Variants in TSNAX observed in about 807,000 individuals in gnomAD.
The protein encoded by TSNAX is translin-associated protein X.
A neutral mutation model predicts 33.0 loss-of-function variants in TSNAX; 12 were observed. That is an observed-to-expected ratio of 0.36 (90% confidence interval 0.23 to 0.59). The LOEUF is 0.59. TSNAX is among the 20% of genes least tolerant of loss of function. The probability of loss-of-function intolerance (pLI) is 0.74; values close to 1 mark genes in which losing one functional copy is unlikely to be tolerated. For synonymous variants in TSNAX, 110 were observed against 117.2 expected, an observed-to-expected ratio of 0.94 and a Z score of 0.40; for missense variants, 267 against 341.3, an observed-to-expected ratio of 0.78 and a Z score of 1.72.
chr1:231,545,833 G>T (rs1659872721), intron 4 of TSNAX, among the ~76,000 whole-genome samples: 1 of 152,070 alleles, frequency 6.6e-6, no homozygotes, highest in Admixed American at 6.5e-5. Flanking sequence ...ATAGGTTTTT[G>T]CAATACCTCT....
chr1:231,552,043 C>T (rs1158341044), intron 4 of TSNAX, among the ~76,000 whole-genome samples: 1 of 152,052 alleles, frequency 6.6e-6, no homozygotes, highest in Non-Finnish European at 1.5e-5. Flanking sequence ...CGCCTGTAAT[C>T]TCAGCACTTT....
At chr1:231,554,305 A>G (rs1034141530) in intron 4 of TSNAX, among the ~76,000 whole-genome samples, 4 of 152,110 alleles carry the variant, frequency 2.6e-5, no homozygotes, top group Admixed American at 6.5e-5. Context: ...AAATTTTAAA[A>G]TATTTTTTTT....
intron 4 of TSNAX, among the ~76,000 whole-genome samples, chr1:231,559,429 C>T (rs1368314467): frequency 2.0e-5 from 3 of 152,056 alleles, no homozygotes; most frequent in Admixed American, 6.6e-5. Context: ...CCCGGGTTCA[C>T]GCCATTCTCC....
intron 2 of TSNAX, chr1:231,535,901 A>G (rs1050092324): frequency 6.6e-6 from 1 of 152,230 alleles, no homozygotes; most frequent in Non-Finnish European, 1.5e-5. Context: ...GTCCGTAACA[A>G]TTTGACAGGT....
intron 4 of TSNAX, among the ~76,000 whole-genome samples, chr1:231,544,247 C>T (rs1019430795): frequency 6.6e-6 from 1 of 152,172 alleles, no homozygotes; most frequent in African/African-American, 2.4e-5. Flanking sequence ...AAACAGAAAT[C>T]CAATTCTACA....
In TSNAX at chr1:231,534,397, G is replaced by A. The variant is rs1376814658; in HGVS notation, c.122-2816G>A. ...AGGTGGGCAGACGCAGACCAGACAA[G>A]AGACTATTTTGTAGTTCCGGTACAG... On this transcript the variant is annotated intron_variant, in intron 2 of 5. Coordinates refer to ENST00000366639, the MANE Select transcript of TSNAX (RefSeq NM_005999.3). The A allele has an allele frequency of 2.6e-5, 4 of 152,294 alleles. No individual in the cohort carries two copies. In the East Asian group the frequency reaches 7.7e-4, roughly 29 times the overall value. The allele number at this position is 152,294 out of a possible 1,614,324, so 9.4% of individuals were successfully genotyped here.
In TSNAX at chr1:231,566,420, T is replaced by G. The variant is rs957737978; in HGVS notation, c.*1515T>G. On this transcript the variant is annotated 3_prime_UTR_variant, in exon 6 of 6. Transcript: ENST00000366639. ...AGTTTTGAGAATCTAGATACTGGGT[T>G]TTATTTTTTGAAAGATTAGCTCTGT... 6.6e-6 allele frequency: 1 copy of G among 152,426 alleles called. No individual in the cohort carries two copies. Among genetic ancestry groups the G allele is most frequent in the Non-Finnish European group, 1.5e-5 (1 of 68,028 alleles). 9.4% of individuals were successfully genotyped at this position (152,426 alleles called of 1,614,324 possible).
At chr1:231,547,394 T>TC (rs1437450501) in intron 4 of TSNAX, among the ~76,000 whole-genome samples, 1 of 140,346 alleles carries the variant, frequency 7.1e-6, no homozygotes, top group Non-Finnish European at 1.5e-5. Context: ...TTTTTCTTTT[T>TC]TTTTTTTTTT....
At chr1:231,542,070 A>G (rs984892680) in intron 3 of TSNAX, among the ~76,000 whole-genome samples, 9 of 152,126 alleles carry the variant, frequency 5.9e-5, no homozygotes, top group African/African-American at 1.9e-4. Flanking sequence ...CAGAGGGTAT[A>G]TGTTGTTCTC....
chr1:231,542,699 C>A, intron 4 of TSNAX, 88 bp downstream of exon 4: 1 of 1,380,426 alleles, frequency 7.2e-7, no homozygotes, highest in Non-Finnish European at 9.9e-7. Flanking sequence ...TTAAGTGACA[C>A]CTGATGAAAT....
At chr1:231,559,072 A>G (rs1394391842) in intron 4 of TSNAX, among the ~76,000 whole-genome samples, 2 of 152,198 alleles carry the variant, frequency 1.3e-5, no homozygotes, top group Non-Finnish European at 2.9e-5. Context: ...CCAGAAGTGT[A>G]GTGGCAGGTG....
chr1:231,538,128 T>C (rs1363081765), intron 3 of TSNAX, among the ~76,000 whole-genome samples: 2 of 152,224 alleles, frequency 1.3e-5, no homozygotes, highest in Admixed American at 1.3e-4. Context: ...AAAGTTCCTG[T>C]TTCAGTTTTG....
chr1:231,546,022 G>T (rs1659891940), intron 4 of TSNAX, among the ~76,000 whole-genome samples: 1 of 151,796 alleles, frequency 6.6e-6, no homozygotes, highest in South Asian at 2.1e-4. Context: ...AAATACTGAG[G>T]TTTTCCTCAT....
At chr1:231,553,166 C>A (rs2124928479) in intron 4 of TSNAX, among the ~76,000 whole-genome samples, 1 of 152,276 alleles carries the variant, frequency 6.6e-6, no homozygotes, top group African/African-American at 2.4e-5. Context: ...GCATTAAAAA[C>A]CAAGAAACAA....
chr1:231,545,653 G>A (rs747795931), intron 4 of TSNAX, among the ~76,000 whole-genome samples: 1 of 151,662 alleles, frequency 6.6e-6, no homozygotes, highest in Non-Finnish European at 1.5e-5. Flanking sequence ...TTATATCACT[G>A]ATAATGATAA....
At chr1:231,538,304 A>G (rs1332232926) in intron 3 of TSNAX, among the ~76,000 whole-genome samples, 2 of 152,204 alleles carry the variant, frequency 1.3e-5, no homozygotes, top group African/African-American at 4.8e-5. Context: ...CAACTAGCAG[A>G]TTTCTTATTT....
At chr1:231,532,211 A>C (rs1214666066) in intron 2 of TSNAX, among the ~76,000 whole-genome samples, 10 of 91,444 alleles carry the variant, frequency 1.1e-4, no homozygotes, top group Admixed American at 2.4e-4. Context: ...TTTTTTTTGG[A>C]GACAACGCCT....
At position 231,564,432 on chromosome 1, in the gene TSNAX, TAATA is replaced by T. The variant is rs897279993; in HGVS notation, c.496-92_496-89del. 6 of 1,495,530 alleles carry T rather than the reference TAATA, an allele frequency of 4.0e-6. No individual in the cohort carries two copies. In the African/African-American group the frequency reaches 4.2e-5, roughly 10 times the overall value. 92.6% of individuals were successfully genotyped at this position (1,495,530 alleles called of 1,614,324 possible). A position where few individuals can be genotyped will look rare whatever the true frequency, so the allele number is the denominator to read the frequency against. On this transcript the variant is annotated intron_variant, in intron 5 of 5. Transcript: ENST00000366639. The stretch of plus-strand genomic sequence containing the variant: ...ATTTGCTATTGATTTTGTACTTCTA[TAATA>T]AATGTGATACATGCTATATTCACTC...
intron 4 of TSNAX, among the ~76,000 whole-genome samples, chr1:231,543,210 TTGG>T (rs533206050): frequency 1.6e-4 from 25 of 151,994 alleles, no homozygotes; most frequent in Non-Finnish European, 2.9e-4. Context: ...ATACTGGATC[TTGG>T]TGGTTATCAT....
Sources: allele counts gnomAD v4.1 joint callset (sites outside exome capture counted in the v4.1 genomes callset), GRCh38; gene constraint gnomAD v4.1.1; transcripts MANE v1.5; gene names NCBI Gene and HGNC (gene_info 2026-07-23, HGNC 2026-07-21).